Variants in HSF2BP observed in about 807,000 individuals in gnomAD.
HSF2BP encodes the protein heat shock factor 2-binding protein.
A neutral mutation model predicts 35.0 loss-of-function variants in HSF2BP; 35 were observed. That is an observed-to-expected ratio of 1.00 (90% CI 0.76 to 1.32). HSF2BP has a LOEUF of 1.32. Ranked by LOEUF, HSF2BP falls within the 40% of genes most tolerant of loss-of-function variation. The pLI, the probability that HSF2BP is intolerant of heterozygous loss-of-function variation, is 0.00. For missense variants in HSF2BP, 326 were observed against 321.7 expected (o/e 1.01, Z -0.10); for synonymous variants, 114 against 117.4 (o/e 0.97, Z 0.18).
At chr21:43,604,373 C>T (rs1435724496) in intron 7 of HSF2BP, among the ~76,000 whole-genome samples, 20 of 139,246 alleles carry the variant, frequency 1.4e-4, no homozygotes, top group African/African-American at 4.6e-4. Context: ...ACACAGCACG[C>T]ACACCACACA....
intron 8 of HSF2BP, among the ~76,000 whole-genome samples, chr21:43,580,606 T>G (rs1357236847): frequency 6.6e-6 from 1 of 152,246 alleles, no homozygotes; most frequent in Non-Finnish European, 1.5e-5. Flanking sequence ...TTTGAGACAT[T>G]TTTTAAAAGA....
At chr21:43,604,448 A>G (rs537358764) in intron 7 of HSF2BP, among the ~76,000 whole-genome samples, 97 of 121,322 alleles carry the variant, frequency 8.0e-4, no homozygotes, top group African/African-American at 2.9e-3. Context: ...CACACCACGC[A>G]CACACCACAC....
chr21:43,603,712 C>CTGCCACCATATGCTGTGTGTTCCTATGTG (rs1568903829), intron 7 of HSF2BP, among the ~76,000 whole-genome samples: 1 of 152,154 alleles, frequency 6.6e-6, no homozygotes, highest in South Asian at 2.1e-4. Context: ...GCTGGTGTGT[C>CTGCCACCATATGCTGTGTGTTCCTATGTG]TGGCCACCAT....
chr21:43,598,134 T>C (rs1225928231), intron 7 of HSF2BP, among the ~76,000 whole-genome samples: 1 of 152,150 alleles, frequency 6.6e-6, no homozygotes, highest in Non-Finnish European at 1.5e-5. Context: ...TCAAAATATA[T>C]AAAAGCTAAG....
chr21:43,626,791 T>C (rs958677204), intron 6 of HSF2BP, among the ~76,000 whole-genome samples: 8 of 152,184 alleles, frequency 5.3e-5, no homozygotes, highest in Non-Finnish European at 8.8e-5. Flanking sequence ...CAGCAATGTA[T>C]TGAACCATTT....
At chr21:43,593,802 T>A (rs2081954989) in intron 7 of HSF2BP, among the ~76,000 whole-genome samples, 1 of 151,738 alleles carries the variant, frequency 6.6e-6, no homozygotes, top group Non-Finnish European at 1.5e-5. Flanking sequence ...AAGATAAAAG[T>A]ACAAGGAGGC....
At chr21:43,572,644 G>GGA (rs2081591488) in intron 8 of HSF2BP, among the ~76,000 whole-genome samples, 1 of 152,238 alleles carries the variant, frequency 6.6e-6, no homozygotes, top group South Asian at 2.1e-4. Flanking sequence ...GAGAGGACAA[G>GGA]GACGAGTGCT....
chr21:43,644,466 TCTTGA>T (rs2082682430), intron 3 of HSF2BP, 74 bp from the exon 4 acceptor site: 1 of 1,177,112 alleles, frequency 8.5e-7, no homozygotes, highest in Admixed American at 1.8e-5. Context: ...TTTTGCCCAG[TCTTGA>T]CTTAGTAAAA....
At chr21:43,642,795 C>CTTTTT (rs869086487) in intron 4 of HSF2BP, among the ~76,000 whole-genome samples, 33 of 92,092 alleles carry the variant, frequency 3.6e-4, no homozygotes, top group Non-Finnish European at 6.4e-4. Flanking sequence ...GGCTTCTTTT[C>CTTTTT]TTTTTTTTTT....
At chr21:43,654,947 G>T (rs2082845638) in intron 3 of HSF2BP, among the ~76,000 whole-genome samples, 1 of 152,162 alleles carries the variant, frequency 6.6e-6, no homozygotes, top group Admixed American at 6.5e-5. Flanking sequence ...GAGAGACTAT[G>T]GGGAAAAAGG....
chr21:43,584,552 A>G (rs1163930996), intron 8 of HSF2BP, among the ~76,000 whole-genome samples: 1 of 152,212 alleles, frequency 6.6e-6, no homozygotes, highest in Non-Finnish European at 1.5e-5. Flanking sequence ...ACATACCCAG[A>G]GTTAATGTTT....
intron 6 of HSF2BP, among the ~76,000 whole-genome samples, chr21:43,625,054 G>A (rs1477703760): frequency 6.6e-6 from 1 of 152,152 alleles, no homozygotes; most frequent in Non-Finnish European, 1.5e-5. Context: ...TATCATTAAA[G>A]AACAGTGACT....
intron 6 of HSF2BP, among the ~76,000 whole-genome samples, chr21:43,619,822 G>A (rs1055507219): frequency 6.6e-6 from 1 of 152,198 alleles, no homozygotes; most frequent in Non-Finnish European, 1.5e-5. Context: ...ACGCTGCTCT[G>A]TAACTTGGCC....
At position 43,613,914 on chromosome 21, in the gene HSF2BP, A is replaced by T. The variant is rs1321869016; in HGVS notation, c.608T>A (p.Leu203Ter). 6.2e-7 allele frequency: 1 copy of T among 1,609,936 alleles called. No homozygotes were observed. Among genetic ancestry groups the T allele is most frequent in the South Asian group, 1.1e-5 (1 of 89,696 alleles). The change falls in exon 7 of 9, where the codon TTG becomes TAG. Residue 203 changes from leucine to a stop codon, truncating the protein, a stop_gained. Transcript: ENST00000291560. LOFTEE classifies it high-confidence loss of function. ...CAAGAGCACCCGGCTTGAATTAACC[A>T]AGAATTCACGACCACATGCTATAGC... ...VAAIACGREFLVNSSRVLLDT... is the reference protein window; with the variant it reads ...VAAIACGREF
intron 6 of HSF2BP, 87 bp downstream of exon 6, chr21:43,630,235 T>C: frequency 1.6e-6 from 2 of 1,222,616 alleles, no homozygotes; most frequent in Non-Finnish European, 1.1e-6. Context: ...AAAACATTCA[T>C]GTGACTCATG....
At chr21:43,627,171 T>C (rs76437476) in intron 6 of HSF2BP, among the ~76,000 whole-genome samples, 3,760 of 152,306 alleles carry the variant, frequency 0.025, 50 homozygotes, top group Middle Eastern at 0.065. Flanking sequence ...CATGCCTTGC[T>C]TCTATACTGA....
At chr21:43,458,136 C>G in the HSF2BP span, among the ~76,000 whole-genome samples, 2 of 99,260 alleles carry the variant, frequency 2.0e-5, 1 homozygote, top group African/African-American at 7.2e-5. Flanking sequence ...GCCTCTGCCC[C>G]TGGGTCTGGG....
At chr21:43,646,876 A>G (rs572354235) in intron 3 of HSF2BP, among the ~76,000 whole-genome samples, 5 of 152,254 alleles carry the variant, frequency 3.3e-5, no homozygotes, top group Non-Finnish European at 5.9e-5. Flanking sequence ...GCCTCGGAAC[A>G]GAACCCTGAC....
chr21:43,595,249 G>C (rs1214851684), intron 7 of HSF2BP, among the ~76,000 whole-genome samples: 1 of 151,838 alleles, frequency 6.6e-6, no homozygotes, highest in Non-Finnish European at 1.5e-5. Context: ...GCAACAGAGT[G>C]AGACTCTAAA....
Sources: gnomAD v4.1 joint callset for allele counts (sites outside exome capture counted in the v4.1 genomes callset) on GRCh38, gnomAD v4.1.1 for gene constraint, MANE v1.5 for transcripts, NCBI Gene and HGNC (gene_info 2026-07-23, HGNC 2026-07-21) for gene names.